The following FAM110B variants were observed in gnomAD, a reference collection of about 807,000 sequenced individuals.
FAM110B encodes the protein family with sequence similarity 110 member B.
Under a neutral mutation model 20.4 loss-of-function variants are expected in FAM110B, and 6 were observed. The ratio of observed to expected loss-of-function variants is 0.29; its 90% confidence interval spans 0.16 to 0.58. The LOEUF (loss-of-function observed/expected upper bound fraction) is 0.58, where lower values mean the gene tolerates loss of function less well. Ranked by LOEUF, FAM110B falls within the 20% of genes least tolerant of loss-of-function variation. The pLI is 0.90. For missense variants in FAM110B, 434 were observed against 498.2 expected, an observed-to-expected ratio of 0.87 and a Z score of 1.23; for synonymous variants, 226 against 214.1, an observed-to-expected ratio of 1.06 and a Z score of -0.49.
chr8:58,146,843 A>C lies in FAM110B; in HGVS notation c.613A>C (p.Lys205Gln). 6.2e-7 allele frequency: 1 copy of C among 1,613,348 alleles called. No homozygotes were observed. Among genetic ancestry groups the C allele is most frequent in the South Asian group, 1.1e-5 (1 of 90,946 alleles). ...GTCCCACAGCTCTTCGGACATCCGC[A>C]AGGTGACCAGCGTGAAGCCCCTCAA... ...HVSHSSSDIRKVTSVKPLKAI... is the reference protein window; with the variant it reads ...HVSHSSSDIRQVTSVKPLKAI... Residue 205 changes from lysine to glutamine, a missense_variant, in exon 4 of 4, where the codon AAG (lysine) becomes CAG (glutamine). Transcript: ENST00000519262.
At chr8:58,085,839 G>A (rs1328062876) in intron 3 of FAM110B, among the ~76,000 whole-genome samples, 4 of 152,112 alleles carry the variant, frequency 2.6e-5, no homozygotes, top group South Asian at 2.1e-4. Flanking sequence ...ATTCACACAC[G>A]GAGCTCTAGC....
At chr8:58,008,629 T>C (rs890234124) in intron 1 of FAM110B, among the ~76,000 whole-genome samples, 1 of 152,208 alleles carries the variant, frequency 6.6e-6, no homozygotes, top group Non-Finnish European at 1.5e-5. Flanking sequence ...TGAAAGTGTG[T>C]AATAAATTAT....
At chr8:58,054,166 ATGAAC>A (rs1425886092) in intron 2 of FAM110B, among the ~76,000 whole-genome samples, 1 of 152,228 alleles carries the variant, frequency 6.6e-6, no homozygotes, top group African/African-American at 2.4e-5. Context: ...ACAGTTTACT[ATGAAC>A]TGAAAAACCT....
chr8:58,075,502 G>A (rs1182564675), intron 2 of FAM110B, 33 bp from the exon 3 acceptor site: 3 of 152,042 alleles, frequency 2.0e-5, no homozygotes, highest in Admixed American at 2.0e-4. Context: ...AAATAAAAAG[G>A]CAATAACAAT....
intron 1 of FAM110B, among the ~76,000 whole-genome samples, chr8:58,008,604 T>C (rs1404511725): frequency 6.6e-6 from 1 of 152,216 alleles, no homozygotes; most frequent in African/African-American, 2.4e-5. Context: ...TTCAGAATCC[T>C]CTCTTCTAGC....
intron 2 of FAM110B, among the ~76,000 whole-genome samples, chr8:58,067,249 G>A (rs973065109): frequency 1.3e-5 from 2 of 152,186 alleles, no homozygotes; most frequent in Admixed American, 6.5e-5. Flanking sequence ...TGAGGCAGAC[G>A]GTTTCTGTAG....
chr8:58,127,092 G>A (rs1179409139), intron 3 of FAM110B, among the ~76,000 whole-genome samples: 1 of 152,202 alleles, frequency 6.6e-6, no homozygotes, highest in Non-Finnish European at 1.5e-5. Context: ...TAAAAGGTAT[G>A]AGGTCAACGT....
intron 3 of FAM110B, among the ~76,000 whole-genome samples, chr8:58,103,401 C>T (rs1006789023): frequency 1.3e-5 from 2 of 150,724 alleles, no homozygotes; most frequent in Admixed American, 6.6e-5. Context: ...CAATTCCCAC[C>T]TATGAGTGAG....
intron 1 of FAM110B, among the ~76,000 whole-genome samples, chr8:58,027,717 T>G (rs1804880781): frequency 6.6e-6 from 1 of 152,222 alleles, no homozygotes. Context: ...TGTGTTTGGC[T>G]TCTTTTCCAT....
intron 2 of FAM110B, among the ~76,000 whole-genome samples, chr8:58,047,409 A>G (rs1422851548): frequency 6.6e-6 from 1 of 151,966 alleles, no homozygotes; most frequent in African/African-American, 2.4e-5. Flanking sequence ...AACTATAGAG[A>G]TATGTGATCT....
At chr8:58,145,174 A>G (rs1202699618) in intron 3 of FAM110B, among the ~76,000 whole-genome samples, 1 of 152,156 alleles carries the variant, frequency 6.6e-6, no homozygotes, top group Non-Finnish European at 1.5e-5. Context: ...GTAAATTTGG[A>G]AGTATTTCTA....
intron 2 of FAM110B, among the ~76,000 whole-genome samples, chr8:58,069,851 C>T (rs949273697): frequency 5.3e-5 from 8 of 152,012 alleles, no homozygotes; most frequent in Non-Finnish European, 8.8e-5. Flanking sequence ...TTAAGTAAGC[C>T]GATAGTGCTA....
intron 2 of FAM110B, among the ~76,000 whole-genome samples, chr8:58,060,146 T>G (rs1805626096): frequency 6.6e-6 from 1 of 152,196 alleles, no homozygotes; most frequent in South Asian, 2.1e-4. Context: ...ATGGAACAAT[T>G]GAGCTGTCCT....
At chr8:58,053,921 G>A (rs1029329447) in intron 2 of FAM110B, among the ~76,000 whole-genome samples, 6 of 152,204 alleles carry the variant, frequency 3.9e-5, no homozygotes, top group Non-Finnish European at 7.3e-5. Context: ...AAATTGGGAA[G>A]CCCCTGAACC....
intron 1 of FAM110B, among the ~76,000 whole-genome samples, chr8:58,025,829 C>A (rs1804845141): frequency 6.6e-6 from 1 of 152,218 alleles, no homozygotes. Flanking sequence ...AGAATGATGT[C>A]TCTTCCTCCA....
At chr8:58,005,440 A>T (rs1372570957) in intron 1 of FAM110B, among the ~76,000 whole-genome samples, 1 of 152,252 alleles carries the variant, frequency 6.6e-6, no homozygotes, top group Non-Finnish European at 1.5e-5. Flanking sequence ...CCAAAATGTG[A>T]TACACAGACC....
At chr8:58,039,839 A>G (rs1805171771) in intron 2 of FAM110B, among the ~76,000 whole-genome samples, 1 of 152,158 alleles carries the variant, frequency 6.6e-6, no homozygotes, top group Non-Finnish European at 1.5e-5. Context: ...TCACAGTAGT[A>G]ACCTTGAACT....
chr8:58,078,846 G>A (rs117573841), intron 3 of FAM110B, among the ~76,000 whole-genome samples: 2,090 of 152,074 alleles, frequency 0.014, 24 homozygotes, highest in East Asian at 0.06. Flanking sequence ...CACCGCGCCC[G>A]GCCAGATTTT....
intron 3 of FAM110B, among the ~76,000 whole-genome samples, chr8:58,117,699 A>G (rs1264727670): frequency 6.6e-6 from 1 of 152,206 alleles, no homozygotes; most frequent in East Asian, 1.9e-4. Flanking sequence ...CGTATTTGCA[A>G]AATGCCTTAG....
Sources: gnomAD v4.1 joint callset for allele counts (sites outside exome capture counted in the v4.1 genomes callset) on GRCh38, gnomAD v4.1.1 for gene constraint, MANE v1.5 for transcripts, NCBI Gene and HGNC (gene_info 2026-07-23, HGNC 2026-07-21) for gene names.